The following ANKS1B variants were observed in gnomAD, a reference collection of about 807,000 sequenced individuals.
ANKS1B encodes ankyrin repeat and sterile alpha motif domain containing 1B.
In ANKS1B, 36 loss-of-function variants were observed where a neutral mutation model predicts 148.3. That is an observed-to-expected ratio of 0.24 (90% CI 0.19 to 0.32). The LOEUF (loss-of-function observed/expected upper bound fraction) is 0.32. Among genes scored for constraint, ANKS1B ranks in the 10% least tolerant of loss-of-function variants. The pLI is 1.00. For synonymous variants in ANKS1B, 542 were observed against 560.8 expected (o/e 0.97, Z 0.47); for missense variants, 1,157 against 1,542.6 (o/e 0.75, Z 4.19).
intron 12 of ANKS1B, among the ~76,000 whole-genome samples, chr12:99,281,315 CA>C (rs2078426364): frequency 6.6e-6 from 1 of 152,146 alleles, no homozygotes; most frequent in African/African-American, 2.4e-5. Flanking sequence ...GTAATTCACT[CA>C]AGTCAAAATG....
At chr12:98,928,069 C>T (rs750291490) in intron 17 of ANKS1B, among the ~76,000 whole-genome samples, 4 of 151,018 alleles carry the variant, frequency 2.6e-5, no homozygotes, top group African/African-American at 9.7e-5. Context: ...AAAAAAGACT[C>T]GAATTTCAAA....
chr12:99,648,197 C>T (rs192871611), intron 9 of ANKS1B: 10 of 1,613,854 alleles, frequency 6.2e-6, no homozygotes, highest in East Asian at 2.2e-5. Flanking sequence ...TGTATGCTAC[C>T]GTATTACACG....
intron 9 of ANKS1B, among the ~76,000 whole-genome samples, chr12:99,528,937 T>G (rs542247847): frequency 6.6e-6 from 1 of 152,316 alleles, no homozygotes; most frequent in African/African-American, 2.4e-5. Flanking sequence ...TTAAAAAAAT[T>G]ATATGTACAT....
intron 8 of ANKS1B, among the ~76,000 whole-genome samples, chr12:99,656,948 TTCC>T (rs772070925): frequency 2.0e-4 from 30 of 152,166 alleles, no homozygotes; most frequent in Non-Finnish European, 1.5e-4. Flanking sequence ...GATTTTATTT[TTCC>T]TCCTATTTAA....
At chr12:99,334,642 C>T (rs1283248528) in intron 12 of ANKS1B, among the ~76,000 whole-genome samples, 1 of 151,950 alleles carries the variant, frequency 6.6e-6, no homozygotes, top group Non-Finnish European at 1.5e-5. Context: ...CGTTTTCCTC[C>T]CTAGAGAGTG....
chr12:99,292,670 C>T (rs953917191), intron 12 of ANKS1B, among the ~76,000 whole-genome samples: 2 of 152,098 alleles, frequency 1.3e-5, no homozygotes, highest in African/African-American at 4.8e-5. Context: ...AAGAAACTAC[C>T]CCATCAAAAA....
chr12:98,978,957 C>A (rs1439221841), intron 17 of ANKS1B, among the ~76,000 whole-genome samples: 1 of 151,918 alleles, frequency 6.6e-6, no homozygotes, highest in East Asian at 2.0e-4. Flanking sequence ...TCCTGGCTAA[C>A]ACGGTGAAAC....
intron 8 of ANKS1B, chr12:99,706,608 A>C (rs10082898): frequency 0.24 from 35,987 of 151,972 alleles, 4,791 homozygotes; most frequent in Non-Finnish European, 0.31. Flanking sequence ...CTTGAGTGGA[A>C]GCAGAACCTC....
intron 8 of ANKS1B, among the ~76,000 whole-genome samples, chr12:99,672,075 A>C (rs2098540861): frequency 6.6e-6 from 1 of 152,138 alleles, no homozygotes; most frequent in Non-Finnish European, 1.5e-5. Flanking sequence ...CAACCTATGC[A>C]ACATTCTCAC....
intron 4 of ANKS1B, among the ~76,000 whole-genome samples, chr12:99,798,423 TAAAAAAAA>T (rs61020616): frequency 3.2e-4 from 25 of 78,646 alleles, no homozygotes; most frequent in Non-Finnish European, 4.8e-4. Context: ...CTCTTGGAAT[TAAAAAAAA>T]AAAAAAAAAA....
intron 22 of ANKS1B, chr12:98,794,919 GAA>G (rs2098934064): frequency 2.8e-6 from 4 of 1,434,244 alleles, no homozygotes; most frequent in Non-Finnish European, 2.0e-6. Context: ...AGTTGGAAGA[GAA>G]AATGGCACAG....
chr12:98,751,540 A>T lies in ANKS1B; in HGVS notation c.3580-18T>A. 1 of 1,612,808 alleles carries T rather than the reference A, an allele frequency of 6.2e-7. No homozygotes were observed. The highest frequency in any genetic ancestry group is 8.5e-7 in the Non-Finnish European group (1 of 1,179,342). ...GCTAAATTCTGCAAGAAAAATGAGA[A>T]AGCATTTGCTACTGGCACACTGCAA... On this transcript the variant is annotated intron_variant, in intron 25 of 26. Transcript: ENST00000683438. The surrounding 1 kb of genome is among the most constrained non-coding windows in gnomAD (Gnocchi z 4.3).
intron 17 of ANKS1B, among the ~76,000 whole-genome samples, chr12:98,995,767 GAA>G: frequency 6.6e-6 from 1 of 152,308 alleles, no homozygotes; most frequent in East Asian, 1.9e-4. Context: ...ATAATCGAGA[GAA>G]AGAGTTCCCA....
intron 16 of ANKS1B, among the ~76,000 whole-genome samples, chr12:99,061,065 G>A (rs939602306): frequency 6.6e-6 from 1 of 152,184 alleles, no homozygotes; most frequent in African/African-American, 2.4e-5. Flanking sequence ...AAGACTACTT[G>A]TTGTTCCCTT....
chr12:98,868,605 C>G (rs1360882516), intron 17 of ANKS1B, among the ~76,000 whole-genome samples: 1 of 152,222 alleles, frequency 6.6e-6, no homozygotes, highest in Non-Finnish European at 1.5e-5. Flanking sequence ...GAACAACAAA[C>G]TTCCCCGAAT....
intron 14 of ANKS1B, among the ~76,000 whole-genome samples, chr12:99,221,874 T>C (rs2085180850): frequency 6.6e-6 from 1 of 152,194 alleles, no homozygotes; most frequent in African/African-American, 2.4e-5. Flanking sequence ...AGGTTATTCA[T>C]TGCAGCATTG....
At chr12:99,889,223 C>T (rs2092977992) in intron 1 of ANKS1B, among the ~76,000 whole-genome samples, 1 of 152,078 alleles carries the variant, frequency 6.6e-6, no homozygotes, top group African/African-American at 2.4e-5. Context: ...ATCCCTGTGA[C>T]AAACCATGTG....
At chr12:99,791,833 C>T (rs533260349) in intron 4 of ANKS1B, among the ~76,000 whole-genome samples, 34 of 43,308 alleles carry the variant, frequency 7.9e-4, no homozygotes, top group African/African-American at 2.0e-3. Flanking sequence ...TCTAATGATG[C>T]ATCTTAAAGA....
chr12:99,649,042 C>A (rs1434101211), intron 9 of ANKS1B, among the ~76,000 whole-genome samples: 1 of 152,104 alleles, frequency 6.6e-6, no homozygotes, highest in Admixed American at 6.6e-5. Context: ...CACAGCTGTT[C>A]ATTTTATATC....
Sources: allele counts gnomAD v4.1 joint callset (sites outside exome capture counted in the v4.1 genomes callset), GRCh38; gene constraint gnomAD v4.1.1; non-coding constraint Gnocchi (gnomAD v3.1); transcripts MANE v1.5; gene names NCBI Gene and HGNC (gene_info 2026-07-23, HGNC 2026-07-21).